Variants in ADAMTS17 observed in about 807,000 individuals in gnomAD.
The protein encoded by ADAMTS17 is A disintegrin and metalloproteinase with thrombospondin motifs 17.
In ADAMTS17, 113 loss-of-function variants were observed where a neutral mutation model predicts 141.5. The ratio of observed to expected loss-of-function variants is 0.80; its 90% CI spans 0.69 to 0.93. The LOEUF is 0.93. ADAMTS17 is among the 40% of genes least tolerant of loss of function. The pLI is 0.00. For missense variants in ADAMTS17, 1,659 were observed against 1,517.9 expected, an observed-to-expected ratio of 1.09 and a Z score of -1.54; for synonymous variants, 768 against 630.6, an observed-to-expected ratio of 1.22 and a Z score of -3.27.
intron 4 of ADAMTS17, among the ~76,000 whole-genome samples, chr15:100,265,412 G>A (rs539066601): frequency 5.9e-5 from 9 of 152,326 alleles, no homozygotes; most frequent in South Asian, 4.1e-4. Flanking sequence ...GCAGCCAAGC[G>A]TCTGGAAATT....
chr15:100,087,257 C>T (rs138932740), intron 15 of ADAMTS17, among the ~76,000 whole-genome samples: 2,079 of 152,204 alleles, frequency 0.014, 46 homozygotes, highest in African/African-American at 0.046. Flanking sequence ...ATAAATTCCT[C>T]AACACATACA....
At chr15:100,337,706 G>A (rs2046248612) in intron 2 of ADAMTS17, among the ~76,000 whole-genome samples, 1 of 152,224 alleles carries the variant, frequency 6.6e-6, no homozygotes, top group Admixed American at 6.5e-5. Context: ...CTGCTTGGCA[G>A]ACCAAACCCG....
At chr15:100,074,865 CTCTTA>C (rs2141760818) in intron 15 of ADAMTS17, among the ~76,000 whole-genome samples, 1 of 152,216 alleles carries the variant, frequency 6.6e-6, no homozygotes, top group South Asian at 2.1e-4. Context: ...GCAATGTAAT[CTCTTA>C]TGACTTATTA....
intron 3 of ADAMTS17, among the ~76,000 whole-genome samples, chr15:100,289,209 A>T (rs1287836087): frequency 6.6e-6 from 1 of 152,186 alleles, no homozygotes; most frequent in Non-Finnish European, 1.5e-5. Flanking sequence ...GACTACTATG[A>T]ACACCTCTAT....
intron 13 of ADAMTS17, among the ~76,000 whole-genome samples, chr15:100,114,796 T>C (rs1343128080): frequency 5.9e-5 from 9 of 152,310 alleles, no homozygotes; most frequent in East Asian, 5.8e-4. Context: ...GTGGAGGATC[T>C]GGGCAGACTC....
intron 20 of ADAMTS17, among the ~76,000 whole-genome samples, chr15:99,985,912 A>C (rs1045226073): frequency 9.8e-4 from 149 of 152,358 alleles, no homozygotes; most frequent in South Asian, 4.6e-3. Flanking sequence ...GTGGCTCCCC[A>C]GGCAGGGGCT....
chr15:100,106,557 G>C (rs976611926), intron 14 of ADAMTS17, among the ~76,000 whole-genome samples: 1 of 152,216 alleles, frequency 6.6e-6, no homozygotes, highest in African/African-American at 2.4e-5. Context: ...AGATCGCACA[G>C]AGCATAAATT....
intron 3 of ADAMTS17, among the ~76,000 whole-genome samples, chr15:100,297,513 G>A (rs2044866389): frequency 6.6e-6 from 1 of 152,186 alleles, no homozygotes; most frequent in Non-Finnish European, 1.5e-5. Context: ...GGACTTCGAA[G>A]ATGGAACAAT....
intron 3 of ADAMTS17, among the ~76,000 whole-genome samples, chr15:100,296,811 T>C (rs2044838699): frequency 6.6e-6 from 1 of 152,202 alleles, no homozygotes; most frequent in Admixed American, 6.5e-5. Context: ...GCCATGTAGA[T>C]ACCAAGCAGG....
intron 7 of ADAMTS17, among the ~76,000 whole-genome samples, chr15:100,204,138 G>A (rs997862986): frequency 3.3e-5 from 5 of 152,176 alleles, no homozygotes; most frequent in African/African-American, 1.2e-4. Context: ...CTACATGATA[G>A]AAGCTCATAA....
chr15:100,271,158 T>G (rs2043895987), intron 4 of ADAMTS17, among the ~76,000 whole-genome samples: 1 of 152,216 alleles, frequency 6.6e-6, no homozygotes, highest in Non-Finnish European at 1.5e-5. Context: ...TGTGGACACT[T>G]TGGGTTGCTT....
intron 3 of ADAMTS17, among the ~76,000 whole-genome samples, chr15:100,327,059 T>G (rs1024475126): frequency 2.7e-5 from 4 of 150,912 alleles, no homozygotes; most frequent in African/African-American, 9.9e-5. Context: ...AGGTTGCACA[T>G]TTTTTTTGTG....
intron 4 of ADAMTS17, among the ~76,000 whole-genome samples, chr15:100,263,050 G>A (rs1040613796): frequency 3.3e-5 from 5 of 152,134 alleles, no homozygotes; most frequent in African/African-American, 1.2e-4. Context: ...AAGCTAAGCT[G>A]GAAATAGTTG....
chr15:100,192,161 C>G (rs1363377598), intron 8 of ADAMTS17, among the ~76,000 whole-genome samples: 1 of 152,196 alleles, frequency 6.6e-6, no homozygotes, highest in Non-Finnish European at 1.5e-5. Context: ...ATGCAGGGGC[C>G]AAGTGCAGAG....
intron 18 of ADAMTS17, among the ~76,000 whole-genome samples, chr15:100,003,962 G>C (rs1272841118): frequency 1.3e-5 from 2 of 152,238 alleles, no homozygotes; most frequent in Admixed American, 6.5e-5. Flanking sequence ...TGCACAAGGT[G>C]AATGTACTTA....
Position 100,051,678 on chromosome 15 carries a change from A to T in ADAMTS17, c.2349T>A (p.Pro783=). ...DYGIHYEYTV[P]VNRTAENQSE... is the part of the protein sequence containing the mutation. Reference sequence around the variant, plus strand: ...TTTGATTTTCCGCAGTGCGGTTTACAGGAACAGTGTATTCATAATGAATTC... The same window carrying T: ...TTTGATTTTCCGCAGTGCGGTTTACTGGAACAGTGTATTCATAATGAATTC... Residue 783 remains proline (P), a synonymous_variant, in exon 17 of 22, where the codon CCT becomes CCA. Transcript: ENST00000268070. The T allele has an allele frequency of 6.2e-7, 1 of 1,614,248 alleles. No individual in the cohort carries two copies. The highest frequency in any genetic ancestry group is 8.5e-7 in the Non-Finnish European group (1 of 1,180,052).
chr15:100,298,071 C>T (rs2044887307), intron 3 of ADAMTS17, among the ~76,000 whole-genome samples: 1 of 151,994 alleles, frequency 6.6e-6, no homozygotes, highest in South Asian at 2.1e-4. Flanking sequence ...CTCGTGGGGA[C>T]AGATGCAGGC....
At position 100,288,692 on chromosome 15, in the gene ADAMTS17, T is replaced by C. The variant is rs1466525019; in HGVS notation, c.617-7291A>G. On this transcript the variant is annotated intron_variant, in intron 3 of 21. Coordinates refer to ENST00000268070, the MANE Select transcript of ADAMTS17 (RefSeq NM_139057.4). The stretch of plus-strand genomic sequence containing the variant: ...CACTGTCAGAACAGTGCAATAAAAA[T>C]AGAAATCAATACTAAGAAGATCACT... Among the ~76,000 whole-genome samples the C allele has an allele frequency of 1.5e-4, 23 of 152,088 alleles. No individual in the cohort carries two copies. The East Asian group carries it at 2.9e-3, about 19-fold the overall frequency.
chr15:99,976,823 C>T (rs1278998712), intron 20 of ADAMTS17, among the ~76,000 whole-genome samples: 6 of 152,192 alleles, frequency 3.9e-5, no homozygotes, highest in Non-Finnish European at 8.8e-5. Flanking sequence ...CACCAGGCTT[C>T]GGTACTTGGT....
Sources: allele counts gnomAD v4.1 joint callset (sites outside exome capture counted in the v4.1 genomes callset), GRCh38; gene constraint gnomAD v4.1.1; transcripts MANE v1.5; gene names NCBI Gene and HGNC (gene_info 2026-07-23, HGNC 2026-07-21).